The following SLAMF1 variants were observed in gnomAD, a reference collection of about 807,000 sequenced individuals.
The protein encoded by SLAMF1 is signaling lymphocytic activation molecule family member 1, also known as signaling lymphocytic activation molecule.
A neutral mutation model predicts 35.1 loss-of-function variants in SLAMF1; 18 were observed. That is an observed-to-expected ratio of 0.51 (90% CI 0.35 to 0.76). The LOEUF (loss-of-function observed/expected upper bound fraction) is 0.76. Among genes scored for constraint, SLAMF1 ranks in the 30% least tolerant of loss-of-function variants. The pLI, the probability that SLAMF1 is intolerant of heterozygous loss-of-function variation, is 0.01. For missense variants in SLAMF1, 392 were observed against 413.0 expected (o/e 0.95, Z 0.44); for synonymous variants, 168 against 157.2 (o/e 1.07, Z -0.51).
At chr1:160,634,326 G>C in intron 3 of SLAMF1, 2 of 889,046 alleles carry the variant, frequency 2.2e-6, no homozygotes, top group Non-Finnish European at 2.7e-6. Flanking sequence ...TTGCAGGTTG[G>C]AGTCAAGGCA....
intron 5 of SLAMF1, among the ~76,000 whole-genome samples, chr1:160,617,449 A>G (rs1024518320): frequency 2.0e-5 from 3 of 152,242 alleles, no homozygotes; most frequent in African/African-American, 7.2e-5. Context: ...AACTGGATAA[A>G]TAAACTCTAG....
chr1:160,630,781 A>G (rs1660124437), intron 3 of SLAMF1, among the ~76,000 whole-genome samples: 1 of 152,124 alleles, frequency 6.6e-6, no homozygotes, highest in African/African-American at 2.4e-5. Flanking sequence ...TCACTCCTCT[A>G]TCTAAAACTC....
At chr1:160,621,137 A>T in intron 4 of SLAMF1, among the ~76,000 whole-genome samples, 1 of 152,200 alleles carries the variant, frequency 6.6e-6, no homozygotes, top group South Asian at 2.1e-4. Context: ...GGATGGTGGG[A>T]AAGTGGCAGA....
At chr1:160,627,156 T>A (rs1428636280) in intron 3 of SLAMF1, among the ~76,000 whole-genome samples, 3 of 152,252 alleles carry the variant, frequency 2.0e-5, no homozygotes, top group African/African-American at 7.2e-5. Context: ...TCATACCCTC[T>A]GTGGCTTCAA....
intron 1 of SLAMF1, among the ~76,000 whole-genome samples, chr1:160,640,678 G>A (rs1660700414): frequency 6.6e-6 from 1 of 151,952 alleles, no homozygotes; most frequent in South Asian, 2.1e-4. Flanking sequence ...GCTCAGTAAA[G>A]GGCTCAGCTA....
intron 5 of SLAMF1, among the ~76,000 whole-genome samples, chr1:160,614,657 A>C (rs1338305442): frequency 6.6e-6 from 1 of 152,080 alleles, no homozygotes; most frequent in East Asian, 1.9e-4. Context: ...ACTTTAGCAT[A>C]ACCTGACCTA....
chr1:160,619,921 T>C, intron 4 of SLAMF1, 72 bp from the exon 5 acceptor site: 2 of 1,009,236 alleles, frequency 2.0e-6, no homozygotes, highest in Non-Finnish European at 3.2e-6. Context: ...GACCTGGTCT[T>C]TACTGTCCTT....
At chr1:160,643,225 T>A (rs1392541868) in intron 1 of SLAMF1, among the ~76,000 whole-genome samples, 3 of 152,170 alleles carry the variant, frequency 2.0e-5, no homozygotes, top group Non-Finnish European at 4.4e-5. Flanking sequence ...CTTTGGTAGG[T>A]AGATAAATCT....
intron 4 of SLAMF1, among the ~76,000 whole-genome samples, chr1:160,622,855 G>A (rs532297574): frequency 2.6e-5 from 4 of 152,176 alleles, no homozygotes; most frequent in Admixed American, 6.6e-5. Context: ...AGCCTTCAGC[G>A]TCAGGCTGCA....
chr1:160,646,901 G>A lies in SLAMF1; in HGVS notation c.45C>T (p.Leu15=), dbSNP rs1661068824. Residue 15 remains leucine, a synonymous_variant, in exon 1 of 7, where the codon CTC becomes CTT. Transcript: ENST00000302035. ...GLLSLTFVLF[L]SLAFGASYGT... is the part of the protein sequence containing the mutation. ...CGTAGCTTGCCCCAAAAGCCAGGGA[G>A]AGAAACAGCACGAAGGTCAAGGAGA... 6.2e-7 allele frequency: 1 copy of A among 1,609,006 alleles called. No individual in the cohort carries two copies. The highest frequency in any genetic ancestry group is 1.3e-5 in the African/African-American group (1 of 74,972).
intron 1 of SLAMF1, among the ~76,000 whole-genome samples, chr1:160,644,391 T>C (rs979866991): frequency 1.3e-5 from 2 of 152,212 alleles, no homozygotes; most frequent in Admixed American, 6.5e-5. Context: ...ATGGTACCAA[T>C]AATACATACA....
In SLAMF1 at chr1:160,619,812, T is replaced by C. The variant is rs1276605973; in HGVS notation, c.828A>G (p.Lys276=). 1.9e-6 allele frequency: 3 copies of C among 1,612,732 alleles called. No homozygotes were observed. The East Asian group carries it at 6.7e-5, about 36-fold the overall frequency. The change falls in exon 5 of 7, where the codon AAA becomes AAG. Residue 276 remains lysine, a synonymous_variant. Transcript: ENST00000302035. ...GGACTTGGGCATAGATCGTAAGGCTTTTTTTTTCCACTGTTGTCTGGTAAT... is the reference window on the plus strand; with the variant it reads ...GGACTTGGGCATAGATCGTAAGGCTCTTTTTTTCCACTGTTGTCTGGTAAT... ...TNHYQTTVEK[K]SLTIYAQVQK...
chr1:160,642,281 T>C lies in SLAMF1; in HGVS notation c.76+4589A>G. Among the ~76,000 whole-genome samples the C allele has an allele frequency of 6.6e-6, 1 of 152,228 alleles. No individual in the cohort carries two copies. The highest frequency in any genetic ancestry group is 1.9e-4 in the East Asian group (1 of 5,200). On this transcript the variant is annotated intron_variant, in intron 1 of 6. Coordinates refer to ENST00000302035, the MANE Select transcript of SLAMF1 (RefSeq NM_003037.5). The surrounding 1 kb of genome is among the most constrained non-coding windows in gnomAD (Gnocchi z 4.2). ...TTAGACTATTAGTATGTACGTTCCC[T>C]AGCCTTAGAGGCTATAACCACTCTT...
At chr1:160,617,927 G>A (rs1018838923) in intron 5 of SLAMF1, among the ~76,000 whole-genome samples, 4 of 152,140 alleles carry the variant, frequency 2.6e-5, no homozygotes, top group Admixed American at 6.5e-5. Flanking sequence ...ACAAAAATTA[G>A]CTGGGTGTGG....
intron 4 of SLAMF1, among the ~76,000 whole-genome samples, chr1:160,622,256 C>G (rs1659654624): frequency 6.6e-6 from 1 of 152,192 alleles, no homozygotes; most frequent in Non-Finnish European, 1.5e-5. Flanking sequence ...GTCTTAGGCT[C>G]TAAGGAAAAA....
intron 5 of SLAMF1, among the ~76,000 whole-genome samples, chr1:160,615,090 TA>T (rs1247339107): frequency 6.6e-6 from 1 of 152,144 alleles, no homozygotes; most frequent in East Asian, 1.9e-4. Flanking sequence ...TTATAGCCAT[TA>T]AAAATAAGAA....
rs14413 is a variant in SLAMF1 at position 160,610,398 on chromosome 1, T to A, written c.*350A>T. ...GAGATAGGTACTCAGATGTCCTGGC[T>A]TTCAGTCTGATTTTTATTATCCAGT... is the stretch of plus-strand genomic sequence containing the variant. On this transcript the variant is annotated 3_prime_UTR_variant, in exon 7 of 7. Transcript: ENST00000302035. 4.0e-3 allele frequency: 1,883 copies of A among 468,830 alleles called. 31 individuals carry two copies. Among genetic ancestry groups the A allele is most frequent in the African/African-American group, 0.034 (1,710 of 50,720 alleles). 29.0% of individuals were successfully genotyped at this position (468,830 alleles called of 1,614,324 possible).
chr1:160,622,225 A>G (rs1260231857), intron 4 of SLAMF1, among the ~76,000 whole-genome samples: 1 of 152,170 alleles, frequency 6.6e-6, no homozygotes, highest in Non-Finnish European at 1.5e-5. Flanking sequence ...AGTAAGCTTA[A>G]CTCGGCTCCA....
At chr1:160,637,806 G>T (rs1462221664) in intron 1 of SLAMF1, among the ~76,000 whole-genome samples, 1 of 152,152 alleles carries the variant, frequency 6.6e-6, no homozygotes, top group Non-Finnish European at 1.5e-5. Context: ...TATTGTTCAG[G>T]CATCTAAAAA....
Sources: gnomAD v4.1 joint callset for allele counts (sites outside exome capture counted in the v4.1 genomes callset) on GRCh38, gnomAD v4.1.1 for gene constraint, Gnocchi (gnomAD v3.1) non-coding constraint, MANE v1.5 for transcripts, NCBI Gene and HGNC (gene_info 2026-07-23, HGNC 2026-07-21) for gene names.